Variants in FSIP1 observed in about 807,000 individuals in gnomAD.
FSIP1 encodes the protein fibrous sheath-interacting protein 1.
In FSIP1, 65 loss-of-function variants were observed where a neutral mutation model predicts 60.9. The ratio of observed to expected loss-of-function variants is 1.07; its 90% CI spans 0.87 to 1.31. The LOEUF is 1.31. FSIP1 is among the 40% of genes most tolerant of loss of function. The probability of loss-of-function intolerance (pLI) is 0.00; values close to 1 mark genes in which losing one functional copy is unlikely to be tolerated. For synonymous variants in FSIP1, 209 were observed against 221.2 expected (o/e 0.94, Z 0.49); for missense variants, 675 against 665.5 (o/e 1.01, Z -0.16).
chr15:39,775,753 C>T (rs1480885505), intron 2 of FSIP1, among the ~76,000 whole-genome samples: 1 of 152,138 alleles, frequency 6.6e-6, no homozygotes, highest in East Asian at 1.9e-4. Flanking sequence ...GTGCCAGCTT[C>T]CCCTTCACCT....
At chr15:39,615,866 A>G (rs1487190701) in intron 11 of FSIP1, among the ~76,000 whole-genome samples, 1 of 152,188 alleles carries the variant, frequency 6.6e-6, no homozygotes, top group African/African-American at 2.4e-5. Flanking sequence ...AGGAAGAATA[A>G]ATTTTGAGAT....
intron 10 of FSIP1, among the ~76,000 whole-genome samples, chr15:39,651,429 G>A (rs551634460): frequency 6.6e-6 from 1 of 152,246 alleles, no homozygotes; most frequent in Non-Finnish European, 1.5e-5. Flanking sequence ...GTAAAAAATA[G>A]ATAAATATGA....
At chr15:39,770,635 C>T in intron 2 of FSIP1, 25 bp from the exon 3 acceptor site, 8 of 1,393,568 alleles carry the variant, frequency 5.7e-6, no homozygotes, top group Non-Finnish European at 6.6e-6. Flanking sequence ...AAAAAAAAAA[C>T]AGTTTCCGAA....
At chr15:39,666,756 C>G (rs1282126911) in intron 10 of FSIP1, among the ~76,000 whole-genome samples, 2 of 152,202 alleles carry the variant, frequency 1.3e-5, no homozygotes, top group Non-Finnish European at 2.9e-5. Flanking sequence ...GAATTGAAGT[C>G]TTAAGACCAC....
In FSIP1 at chr15:39,622,779, A is replaced by G. The variant is rs1282093007; in HGVS notation, c.1189-4534T>C. ...GTCCAGAACCTAAGTGTCTAGCCAC[A>G]TGGCTACACTGCCACTCGCTGTAAA... On this transcript the variant is annotated intron_variant, in intron 10 of 11. Coordinates refer to ENST00000350221, the MANE Select transcript of FSIP1 (RefSeq NM_152597.5). Among the ~76,000 whole-genome samples, 4 of 152,304 alleles carry G rather than the reference A, an allele frequency of 2.6e-5. No homozygotes were observed. In the East Asian group the frequency reaches 5.8e-4, roughly 22 times the overall value.
chr15:39,667,129 CT>C (rs1308513229), intron 10 of FSIP1, among the ~76,000 whole-genome samples: 1 of 152,206 alleles, frequency 6.6e-6, no homozygotes, highest in African/African-American at 2.4e-5. Context: ...TTGACTTTCC[CT>C]TCCCCCTCCA....
intron 11 of FSIP1, among the ~76,000 whole-genome samples, chr15:39,605,902 G>GGA (rs895246624): frequency 1.3e-5 from 2 of 152,142 alleles, no homozygotes; most frequent in South Asian, 2.1e-4. Context: ...AAGGTGTAGA[G>GGA]GAGAGAGAGA....
In FSIP1 at chr15:39,746,537, T is replaced by C. The variant is rs916991381; in HGVS notation, c.560-4637A>G. On this transcript the variant is annotated intron_variant, in intron 5 of 11. Transcript: ENST00000350221. ...GGACAATGAGCAGACTCAAGGCAGATGTACCTTTTTGCTCTGTTGGTAAAT... is the reference window on the plus strand; with the variant it reads ...GGACAATGAGCAGACTCAAGGCAGACGTACCTTTTTGCTCTGTTGGTAAAT... 2.0e-5 allele frequency among the ~76,000 whole-genome samples: 3 copies of C among 152,234 alleles called. No homozygotes were observed. The South Asian group carries it at 6.2e-4, about 31-fold the overall frequency.
At chr15:39,634,167 CT>C (rs1191242075) in intron 10 of FSIP1, among the ~76,000 whole-genome samples, 2 of 152,200 alleles carry the variant, frequency 1.3e-5, no homozygotes, top group Non-Finnish European at 2.9e-5. Flanking sequence ...TGCTTTCCCC[CT>C]CTCTACTGGA....
intron 10 of FSIP1, among the ~76,000 whole-genome samples, chr15:39,651,177 C>G (rs1892852460): frequency 6.6e-6 from 1 of 152,160 alleles, no homozygotes; most frequent in Non-Finnish European, 1.5e-5. Context: ...GGATGAACAA[C>G]CAACCAACCA....
rs1264449712 is a variant in FSIP1, at chr15:39,765,729, C to A, written c.328G>T (p.Glu110Ter). 3.3e-6 allele frequency: 5 copies of A among 1,531,468 alleles called. No individual in the cohort carries two copies. The highest frequency in any genetic ancestry group is 2.4e-5 in the South Asian group (2 of 84,224). The allele number at this position is 1,531,468 out of a possible 1,614,324, so 94.9% of individuals were successfully genotyped here. The part of the protein sequence containing the change: ...SECSDEPKLK[E>*]LDSQLQDAIQ... Reference sequence around the variant, plus strand: ...GCATCTTGAAGTTGAGAATCTAATTCTTTTAATTTGGGTTCATCTATATTG... The same window carrying A: ...GCATCTTGAAGTTGAGAATCTAATTATTTTAATTTGGGTTCATCTATATTG... The change falls in exon 4 of 12, where the codon GAA (glutamate) becomes TAA (stop). Residue 110 changes from glutamate (E) to a stop codon, truncating the protein, a stop_gained. Transcript: ENST00000350221. LOFTEE classifies it high-confidence loss of function.
chr15:39,712,761 A>T (rs946035266), intron 10 of FSIP1, among the ~76,000 whole-genome samples: 18 of 152,320 alleles, frequency 1.2e-4, no homozygotes. Context: ...CCAGCTCACA[A>T]CTTAGTTGCT....
At chr15:39,704,448 A>G (rs1421669877) in intron 10 of FSIP1, among the ~76,000 whole-genome samples, 1 of 152,238 alleles carries the variant, frequency 6.6e-6, no homozygotes, top group Non-Finnish European at 1.5e-5. Context: ...AACAGCTTAA[A>G]GGTTTTAGAA....
chr15:39,617,271 C>T (rs749698893), intron 11 of FSIP1, among the ~76,000 whole-genome samples: 24 of 152,018 alleles, frequency 1.6e-4, no homozygotes, highest in Non-Finnish European at 2.8e-4. Context: ...TAGATCGTGA[C>T]GAAACACCTG....
At chr15:39,722,611 C>CTTGGATA (rs1896026166) in intron 9 of FSIP1, among the ~76,000 whole-genome samples, 1 of 150,054 alleles carries the variant, frequency 6.7e-6, no homozygotes. Context: ...CTGGATACTC[C>CTTGGATA]TTGGATATGC....
At chr15:39,723,961 C>A (rs73395254) in intron 9 of FSIP1, among the ~76,000 whole-genome samples, 2,549 of 152,308 alleles carry the variant, frequency 0.017, 70 homozygotes, top group African/African-American at 0.055. Context: ...GGAAATTGAA[C>A]AAAAGCTCAA....
At chr15:39,662,726 A>G (rs904749071) in intron 10 of FSIP1, among the ~76,000 whole-genome samples, 1 of 152,162 alleles carries the variant, frequency 6.6e-6, no homozygotes, top group Non-Finnish European at 1.5e-5. Flanking sequence ...ACTGAAAAAA[A>G]AAAAAAGACT....
chr15:39,749,357 C>CA (rs1054907362), intron 5 of FSIP1, among the ~76,000 whole-genome samples: 8 of 149,346 alleles, frequency 5.4e-5, no homozygotes, highest in Non-Finnish European at 1.0e-4. Flanking sequence ...AGACCCAACA[C>CA]AAAAAAGAAA....
At chr15:39,608,376 C>T (rs1366543947) in intron 11 of FSIP1, among the ~76,000 whole-genome samples, 1 of 152,116 alleles carries the variant, frequency 6.6e-6, no homozygotes, top group African/African-American at 2.4e-5. Flanking sequence ...ATCAGTGTGA[C>T]TCATGTTCAC....
Sources: allele counts gnomAD v4.1 joint callset (sites outside exome capture counted in the v4.1 genomes callset), GRCh38; gene constraint gnomAD v4.1.1; transcripts MANE v1.5; gene names NCBI Gene and HGNC (gene_info 2026-07-23, HGNC 2026-07-21).